The following LRP1B variants were observed in gnomAD, a reference collection of about 807,000 sequenced individuals.
The protein encoded by LRP1B is LDL receptor related protein 1B.
LRP1B carries 217 observed loss-of-function variants against 556.6 expected under a neutral mutation model. The observed-to-expected ratio is 0.39, with a 90% CI of 0.35 to 0.44. The LOEUF is 0.44. Ranked by LOEUF, LRP1B falls within the 20% of genes least tolerant of loss-of-function variation. The pLI, the probability that LRP1B is intolerant of heterozygous loss-of-function variation, is 1.00. For missense variants in LRP1B, 5,053 were observed against 5,620.8 expected, an observed-to-expected ratio of 0.90 and a Z score of 3.23; for synonymous variants, 2,047 against 1,865.8, an observed-to-expected ratio of 1.10 and a Z score of -2.50.
chr2:140,667,328 C>G (rs1034000999), intron 41 of LRP1B, among the ~76,000 whole-genome samples: 1 of 152,174 alleles, frequency 6.6e-6, no homozygotes, highest in Non-Finnish European at 1.5e-5. Context: ...CCGGAGACAT[C>G]AGGCAATAGA....
intron 2 of LRP1B, among the ~76,000 whole-genome samples, chr2:141,508,088 C>CA (rs201689512): frequency 6.7e-6 from 1 of 149,204 alleles, no homozygotes; most frequent in Non-Finnish European, 1.5e-5. Flanking sequence ...TCCATCCCCC[C>CA]CCCAAAAAAA....
chr2:141,060,202 G>T (rs1174027546), intron 8 of LRP1B, among the ~76,000 whole-genome samples: 1 of 151,646 alleles, frequency 6.6e-6, no homozygotes, highest in Admixed American at 6.6e-5. Flanking sequence ...TCTTGTATGA[G>T]ACACGACTAA....
At chr2:142,090,663 G>T (rs960457975) in intron 1 of LRP1B, among the ~76,000 whole-genome samples, 2 of 152,042 alleles carry the variant, frequency 1.3e-5, no homozygotes, top group African/African-American at 4.8e-5. Flanking sequence ...TATGAAACAA[G>T]AATATGCAAG....
intron 86 of LRP1B, among the ~76,000 whole-genome samples, chr2:140,267,433 A>G (rs1222175892): frequency 1.3e-5 from 2 of 151,940 alleles, no homozygotes; most frequent in Non-Finnish European, 2.9e-5. Flanking sequence ...CATATAAGCT[A>G]TGCACACCCT....
intron 7 of LRP1B, among the ~76,000 whole-genome samples, chr2:141,185,883 A>G (rs1057116828): frequency 6.6e-6 from 1 of 151,818 alleles, no homozygotes; most frequent in Non-Finnish European, 1.5e-5. Flanking sequence ...GTTTGAGACC[A>G]ACCTAGCCAA....
intron 35 of LRP1B, among the ~76,000 whole-genome samples, chr2:140,742,724 T>C (rs776010223): frequency 6.6e-6 from 1 of 151,998 alleles, no homozygotes; most frequent in Non-Finnish European, 1.5e-5. Context: ...AGGTGCGAGC[T>C]CTATGAATGA....
rs181494635 is a variant in LRP1B at position 140,933,175 on chromosome 2, C to G, written c.3137-10028G>C. On this transcript the variant is annotated intron_variant, in intron 20 of 90. Transcript: ENST00000389484. ...AATATCCTAACAAAAAGTGAATGAT[C>G]TGTTCAGTATAGTGCAGGAATATAA... Among the ~76,000 whole-genome samples the G allele has an allele frequency of 2.2e-4, 34 of 151,986 alleles. No individual in the cohort carries two copies. In the East Asian group the frequency reaches 4.7e-3, roughly 21 times the overall value.
chr2:140,694,400 G>A (rs551278345), intron 41 of LRP1B, among the ~76,000 whole-genome samples: 1 of 152,122 alleles, frequency 6.6e-6, no homozygotes, highest in Non-Finnish European at 1.5e-5. Context: ...GTAGTCTGAA[G>A]ATTTTACTCT....
chr2:140,293,014 T>A (rs1683455212), intron 84 of LRP1B, among the ~76,000 whole-genome samples: 1 of 152,210 alleles, frequency 6.6e-6, no homozygotes, highest in Admixed American at 6.5e-5. Context: ...TTACTTAATG[T>A]CTGTACTTAC....
intron 15 of LRP1B, among the ~76,000 whole-genome samples, chr2:141,002,448 C>T (rs952805371): frequency 1.3e-5 from 2 of 151,944 alleles, no homozygotes; most frequent in Non-Finnish European, 2.9e-5. Context: ...GGGATTGATT[C>T]CAGGATCCCT....
chr2:140,468,772 A>G (rs560845480), intron 60 of LRP1B, among the ~76,000 whole-genome samples: 1 of 152,342 alleles, frequency 6.6e-6, no homozygotes, highest in South Asian at 2.1e-4. Flanking sequence ...TGCTCTTAAG[A>G]AAAGATTATC....
At chr2:141,257,551 C>A (rs959326288) in intron 3 of LRP1B, among the ~76,000 whole-genome samples, 6 of 152,108 alleles carry the variant, frequency 3.9e-5, no homozygotes, top group African/African-American at 9.6e-5. Context: ...ATACAAAATG[C>A]GGGAAAAATT....
At position 140,583,166 on chromosome 2, in the gene LRP1B, TTTTTC is replaced by T. The variant is rs1387664314; in HGVS notation, c.7194+15460_7194+15464del. 5.4e-4 allele frequency among the ~76,000 whole-genome samples: 33 copies of T among 60,622 alleles called. 2 individuals are homozygous for T. Among genetic ancestry groups the T allele is most frequent in the South Asian group, 1.6e-3 (3 of 1,862 alleles). 39.8% of individuals were successfully genotyped at this position (60,622 alleles called of 152,430 possible). A position where few individuals can be genotyped will look rare whatever the true frequency, so the allele number is the denominator to read the frequency against. ...AGTTTCTATTGACAGTTTCTCCTTT[TTTTTC>T]TTTTTTTTTTTTTTTTTTTTTTGAG... On this transcript the variant is annotated intron_variant, in intron 43 of 90. Transcript: ENST00000389484.
At chr2:141,891,277 C>T (rs541943037) in intron 1 of LRP1B, among the ~76,000 whole-genome samples, 315 of 152,188 alleles carry the variant, frequency 2.1e-3, no homozygotes, top group Middle Eastern at 3.4e-3. Context: ...TTCCCTATGT[C>T]AACTATTTGG....
At chr2:140,966,536 G>T (rs1304684639) in intron 18 of LRP1B, among the ~76,000 whole-genome samples, 1 of 152,066 alleles carries the variant, frequency 6.6e-6, no homozygotes, top group Non-Finnish European at 1.5e-5. Flanking sequence ...TTGCTGTGCA[G>T]AAGCTCTTTA....
chr2:141,548,922 C>A (rs1685650950), intron 2 of LRP1B, among the ~76,000 whole-genome samples: 1 of 151,804 alleles, frequency 6.6e-6, no homozygotes, highest in Admixed American at 6.6e-5. Context: ...TATGAAATAT[C>A]TGGTGTCTTT....
intron 41 of LRP1B, among the ~76,000 whole-genome samples, chr2:140,652,958 A>G (rs1684742466): frequency 6.6e-6 from 1 of 152,100 alleles, no homozygotes; most frequent in South Asian, 2.1e-4. Context: ...AAAAAATCTT[A>G]ATTTAAATCC....
chr2:140,498,894 T>A (rs552285563), intron 55 of LRP1B, among the ~76,000 whole-genome samples: 74 of 152,050 alleles, frequency 4.9e-4, no homozygotes, highest in Non-Finnish European at 9.7e-4. Context: ...GGTCTCATCC[T>A]GAATGTTTGT....
intron 66 of LRP1B, among the ~76,000 whole-genome samples, chr2:140,393,574 T>C (rs1684120937): frequency 6.6e-6 from 1 of 152,192 alleles, no homozygotes; most frequent in South Asian, 2.1e-4. Flanking sequence ...TATTCTTTTG[T>C]AGTTACCATT....
Sources: gnomAD v4.1 joint callset for allele counts (sites outside exome capture counted in the v4.1 genomes callset) on GRCh38, gnomAD v4.1.1 for gene constraint, MANE v1.5 for transcripts, NCBI Gene and HGNC (gene_info 2026-07-23, HGNC 2026-07-21) for gene names.